Variants in CYSLTR1 observed in about 807,000 individuals in gnomAD.
CYSLTR1 encodes the protein G-protein coupled receptor HG55.
Under a neutral mutation model 2.1 loss-of-function variants are expected in CYSLTR1, and 1 was observed. The ratio of observed to expected loss-of-function variants is 0.48; its 90% CI spans 0.17 to 2.28. The LOEUF (loss-of-function observed/expected upper bound fraction) is 2.28. Among genes scored for constraint, CYSLTR1 ranks in the 30% most tolerant of loss-of-function variants. The pLI, the probability that CYSLTR1 is intolerant of heterozygous loss-of-function variation, is 0.26. For missense variants in CYSLTR1, 299 were observed against 250.1 expected (o/e 1.20, Z -1.32); for synonymous variants, 110 against 89.6 (o/e 1.23, Z -1.28).
intron 1 of CYSLTR1, among the ~76,000 whole-genome samples, chrX:78,285,802 T>G (rs1387771072): frequency 8.9e-6 from 1 of 111,901 alleles, no homozygotes; most frequent in Non-Finnish European, 1.9e-5. Context: ...GCACTCAATA[T>G]TTTCACTCCT....
Position 78,272,047 on chromosome X carries a change from G to C in CYSLTR1, c.*686C>G, listed in dbSNP as rs980716532. On this transcript the variant is annotated 3_prime_UTR_variant, in exon 3 of 3. Transcript: ENST00000373304. ...CTAAAACTCCACTATTCAATTTTGG[G>C]AGCCTGAGGCAAAGGCAGAAGAAAA... 13 of 111,838 alleles carry C rather than the reference G, an allele frequency of 1.2e-4. No individual in the cohort carries two copies. Among genetic ancestry groups the C allele is most frequent in the Admixed American group, 1.2e-3 (12 of 10,423 alleles). The allele number at this position is 111,838 out of a possible 1,213,427, so 9.2% of individuals were successfully genotyped here.
intron 1 of CYSLTR1, among the ~76,000 whole-genome samples, chrX:78,289,003 G>A (rs1465224338): frequency 9.2e-6 from 1 of 108,716 alleles, no homozygotes; most frequent in Non-Finnish European, 1.9e-5. Flanking sequence ...TAGGGTACAT[G>A]TGCACAACGT....
At chrX:78,299,243 T>C (rs1475983246) in intron 1 of CYSLTR1, among the ~76,000 whole-genome samples, 3 of 111,991 alleles carry the variant, frequency 2.7e-5, no homozygotes, top group Non-Finnish European at 5.7e-5. Flanking sequence ...GTACAAAATA[T>C]GTCTTGAAAA....
intron 1 of CYSLTR1, among the ~76,000 whole-genome samples, chrX:78,306,860 G>A (rs768239366): frequency 2.7e-5 from 3 of 111,981 alleles, no homozygotes; most frequent in Non-Finnish European, 5.6e-5. Context: ...TGTGGTCATT[G>A]GTTTGAAATG....
chrX:78,291,074 T>A (rs1281418351), intron 1 of CYSLTR1, among the ~76,000 whole-genome samples: 2 of 112,071 alleles, frequency 1.8e-5, no homozygotes, highest in African/African-American at 6.5e-5. Flanking sequence ...GCCCATTCAG[T>A]ATGATATTGG....
In CYSLTR1 at chrX:78,272,393, C is replaced by G. The variant is rs747724221; in HGVS notation, c.*340G>C. The G allele has an allele frequency of 7.7e-6, 1 of 129,656 alleles. No individual in the cohort carries two copies. Among genetic ancestry groups the G allele is most frequent in the East Asian group, 2.1e-4 (1 of 4,714 alleles). 10.7% of individuals were successfully genotyped at this position (129,656 alleles called of 1,213,427 possible). A position where few individuals can be genotyped will look rare whatever the true frequency, so the allele number is the denominator to read the frequency against. ...TTTAGCTTGCATGTATTTTTATTGA[C>G]TAATTTTATATATTTTATCGTTTGT... is the stretch of plus-strand genomic sequence containing the variant. On this transcript the variant is annotated 3_prime_UTR_variant, in exon 3 of 3. Transcript: ENST00000373304.
intron 1 of CYSLTR1, among the ~76,000 whole-genome samples, chrX:78,315,157 A>T (rs1426378336): frequency 3.7e-5 from 4 of 107,939 alleles, no homozygotes; most frequent in Non-Finnish European, 7.7e-5. Flanking sequence ...ATTTCTAGAC[A>T]TACTCTGAAG....
chrX:78,284,684 G>A (rs1921979553), intron 1 of CYSLTR1, among the ~76,000 whole-genome samples: 1 of 106,205 alleles, frequency 9.4e-6, no homozygotes, highest in Admixed American at 1.0e-4. Flanking sequence ...CTGCAGGCAT[G>A]AGCCACTACA....
chrX:78,319,379 C>T (rs1350569460), intron 1 of CYSLTR1: 2 of 106,996 alleles, frequency 1.9e-5, no homozygotes, highest in African/African-American at 6.8e-5. Flanking sequence ...GTTTTTTGTC[C>T]TTGCGTTAGT....
At chrX:78,292,371 G>A (rs983019360) in intron 1 of CYSLTR1, among the ~76,000 whole-genome samples, 2 of 112,079 alleles carry the variant, frequency 1.8e-5, no homozygotes, top group African/African-American at 3.2e-5. Context: ...CATTTGCTAA[G>A]GAGTGCTTTA....
intron 1 of CYSLTR1, among the ~76,000 whole-genome samples, chrX:78,285,878 G>C (rs762225492): frequency 9.0e-6 from 1 of 111,658 alleles, no homozygotes; most frequent in Non-Finnish European, 1.9e-5. Flanking sequence ...CCAATACTGG[G>C]CTCTACCATT....
Position 78,272,667 on chromosome X carries a change from A to T in CYSLTR1, c.*66T>A. 1 of 1,021,900 alleles carries T rather than the reference A, an allele frequency of 9.8e-7. No individual in the cohort carries two copies. Among genetic ancestry groups the T allele is most frequent in the Non-Finnish European group, 1.3e-6 (1 of 779,928 alleles). 84.2% of individuals were successfully genotyped at this position (1,021,900 alleles called of 1,213,427 possible). ...AAGTAAAATTTTTATTTTTTTTGTAAATGATTTGACAAAATACTTATTTGG... is the reference window on the plus strand; with the variant it reads ...AAGTAAAATTTTTATTTTTTTTGTATATGATTTGACAAAATACTTATTTGG... On this transcript the variant is annotated 3_prime_UTR_variant, in exon 3 of 3. Coordinates refer to ENST00000373304, the MANE Select transcript of CYSLTR1 (RefSeq NM_006639.4).
At chrX:78,281,586 G>T (rs1021031582) in intron 2 of CYSLTR1, among the ~76,000 whole-genome samples, 8 of 111,152 alleles carry the variant, frequency 7.2e-5, no homozygotes, top group Non-Finnish European at 1.5e-4. Flanking sequence ...CTTATGTTTT[G>T]ATTTTTAAAT....
intron 1 of CYSLTR1, among the ~76,000 whole-genome samples, chrX:78,295,964 T>A (rs1162312997): frequency 1.8e-5 from 2 of 111,363 alleles, no homozygotes; most frequent in Non-Finnish European, 3.8e-5. Context: ...ACTCAATATT[T>A]TTTTTGCCCA....
At position 78,316,843 on chromosome X, in the gene CYSLTR1, T is replaced by G. The variant is rs184253866; in HGVS notation, c.-115+10462A>C. On this transcript the variant is annotated intron_variant, in intron 1 of 2. Coordinates refer to ENST00000373304, the MANE Select transcript of CYSLTR1 (RefSeq NM_006639.4). Reference sequence around the variant, plus strand: ...TTTACACAAAAATCAACTCAAGATGTATCAAATACTTAAATCTAAGACCCA... The same window carrying G: ...TTTACACAAAAATCAACTCAAGATGGATCAAATACTTAAATCTAAGACCCA... Among the ~76,000 whole-genome samples, 436 of 111,867 alleles carry G rather than the reference T, an allele frequency of 3.9e-3. 1 individual carries two copies. The highest frequency in any genetic ancestry group is 0.014 in the African/African-American group (420 of 30,838).
Position 78,273,666 on chromosome X carries a change from G to A in CYSLTR1, c.81C>T (p.Ser27=), listed in dbSNP as rs777821615. The change falls in exon 3 of 3, where the codon TCC becomes TCT. Residue 27 remains serine (S), a synonymous_variant. Transcript: ENST00000373304. ...TIDDFRNQVY[S]TLYSMISVVG... The stretch of plus-strand genomic sequence containing the variant: ...CAACAGAGATCATAGAGTACAAGGT[G>A]GAATACACTTGATTGCGGAAGTCAT... 2 of 1,210,580 alleles carry A rather than the reference G, an allele frequency of 1.7e-6. No individual in the cohort carries two copies. The highest frequency in any genetic ancestry group is 5.9e-5 in the East Asian group (2 of 33,821).
chrX:78,271,913 GT>G lies in CYSLTR1; in HGVS notation c.*819del, dbSNP rs1668301656. The stretch of plus-strand genomic sequence containing the variant: ...TTTTCCTTTTCTCTTCTTCAGATAA[GT>G]TTTTAATTACTTCTATTTATATATA... On this transcript the variant is annotated 3_prime_UTR_variant, in exon 3 of 3. Transcript: ENST00000373304. 1 of 112,050 alleles carries G rather than the reference GT, an allele frequency of 8.9e-6. No homozygotes were observed. Among genetic ancestry groups the G allele is most frequent in the African/African-American group, 3.2e-5 (1 of 30,913 alleles). The allele number at this position is 112,050 out of a possible 1,213,427, so 9.2% of individuals were successfully genotyped here. A position where few individuals can be genotyped will look rare whatever the true frequency, so the allele number is the denominator to read the frequency against.
intron 2 of CYSLTR1, among the ~76,000 whole-genome samples, chrX:78,278,425 T>A (rs914145621): frequency 2.7e-5 from 3 of 111,459 alleles, no homozygotes; most frequent in African/African-American, 9.8e-5. Flanking sequence ...AGGTGGAAGA[T>A]CTCTACAATG....
At chrX:78,325,117 C>T (rs997484062) in intron 1 of CYSLTR1, among the ~76,000 whole-genome samples, 2 of 112,253 alleles carry the variant, frequency 1.8e-5, no homozygotes, top group Non-Finnish European at 3.8e-5. Context: ...GTGGATAGTG[C>T]TTTCACAGAA....
Sources: gnomAD v4.1 joint callset for allele counts (sites outside exome capture counted in the v4.1 genomes callset) on GRCh38, gnomAD v4.1.1 for gene constraint, MANE v1.5 for transcripts, NCBI Gene and HGNC (gene_info 2026-07-23, HGNC 2026-07-21) for gene names.